Variants in TMEM132B observed in about 807,000 individuals in gnomAD.
TMEM132B encodes the protein transmembrane protein 132B.
In TMEM132B, 18 loss-of-function variants were observed where a neutral mutation model predicts 90.8. The observed-to-expected ratio is 0.20, with a 90% CI of 0.14 to 0.29. TMEM132B has a LOEUF of 0.29. Among genes scored for constraint, TMEM132B ranks in the 10% least tolerant of loss-of-function variants. TMEM132B has a pLI of 1.00. For synonymous variants in TMEM132B, 504 were observed against 523.3 expected (o/e 0.96, Z 0.50); for missense variants, 1,096 against 1,326.8 (o/e 0.83, Z 2.70).
intron 5 of TMEM132B, among the ~76,000 whole-genome samples, chr12:125,606,353 GA>G (rs1466341220): frequency 6.8e-6 from 1 of 147,144 alleles, no homozygotes; most frequent in African/African-American, 2.5e-5. Context: ...AGGGAAAGAT[GA>G]TGTGTGCATA....
chr12:125,192,955 G>T (rs1313890185), intron 1 of TMEM132B, among the ~76,000 whole-genome samples: 1 of 152,180 alleles, frequency 6.6e-6, no homozygotes, highest in African/African-American at 2.4e-5. Flanking sequence ...TACAAGGCTG[G>T]GTGGTTCAGC....
At chr12:125,299,766 C>T (rs1875770949) in intron 1 of TMEM132B, among the ~76,000 whole-genome samples, 1 of 152,204 alleles carries the variant, frequency 6.6e-6, no homozygotes, top group African/African-American at 2.4e-5. Flanking sequence ...CCAAAGGATG[C>T]CCAGAATCTG....
In TMEM132B at chr12:125,190,936, G is replaced by A. The variant is rs1177083085; in HGVS notation, c.67+4070G>A. On this transcript the variant is annotated intron_variant, in intron 1 of 8. Coordinates refer to ENST00000682704, the MANE Select transcript of TMEM132B (RefSeq NM_001366854.1). ...ATGGGGAAGGGGTGGTGATGGTGAC[G>A]GGGAAGGGGTGGTGATGGGGAAGGG... Among the ~76,000 whole-genome samples the A allele has an allele frequency of 3.2e-3, 117 of 36,852 alleles. 19 individuals are homozygous for A. The highest frequency in any genetic ancestry group is 0.012 in the Middle Eastern group (1 of 86). The allele number at this position is 36,852 out of a possible 152,430, so 24.2% of individuals were successfully genotyped here.
intron 2 of TMEM132B, among the ~76,000 whole-genome samples, chr12:125,359,547 C>T (rs1263230257): frequency 1.3e-5 from 2 of 152,136 alleles, no homozygotes; most frequent in Non-Finnish European, 2.9e-5. Flanking sequence ...GCTCAGTGCT[C>T]ATTCCTTATG....
intron 3 of TMEM132B, among the ~76,000 whole-genome samples, chr12:125,493,374 A>G (rs1882407844): frequency 6.6e-6 from 1 of 152,180 alleles, no homozygotes; most frequent in Non-Finnish European, 1.5e-5. Flanking sequence ...AGAAACACAC[A>G]TGAAAGGGGA....
intron 5 of TMEM132B, among the ~76,000 whole-genome samples, chr12:125,589,322 A>C (rs1204026416): frequency 2.0e-5 from 3 of 151,930 alleles, no homozygotes; most frequent in Non-Finnish European, 2.9e-5. Flanking sequence ...CTCTACTAAA[A>C]ATACAAAAAA....
At chr12:125,223,670 C>A (rs889889850) in intron 1 of TMEM132B, among the ~76,000 whole-genome samples, 4 of 152,310 alleles carry the variant, frequency 2.6e-5, no homozygotes, top group South Asian at 4.1e-4. Flanking sequence ...GTCCCGCTAC[C>A]CCCAGCCCTC....
chr12:125,519,108 T>G (rs552298291), intron 3 of TMEM132B, among the ~76,000 whole-genome samples: 1 of 152,322 alleles, frequency 6.6e-6, no homozygotes, highest in South Asian at 2.1e-4. Context: ...AGTGTGGAAC[T>G]TGGACTGTGG....
chr12:125,504,493 T>C (rs1211166026), intron 3 of TMEM132B, among the ~76,000 whole-genome samples: 3 of 152,266 alleles, frequency 2.0e-5, no homozygotes, highest in Admixed American at 2.0e-4. Context: ...AGAACGCTGG[T>C]TGTCATTTGT....
intron 4 of TMEM132B, among the ~76,000 whole-genome samples, chr12:125,573,262 G>A (rs1298899411): frequency 1.3e-5 from 2 of 152,086 alleles, no homozygotes; most frequent in Non-Finnish European, 2.9e-5. Context: ...TTATACATAG[G>A]TAGACACATG....
intron 4 of TMEM132B, among the ~76,000 whole-genome samples, chr12:125,532,851 A>G (rs993911856): frequency 4.6e-5 from 7 of 152,048 alleles, no homozygotes; most frequent in Non-Finnish European, 1.0e-4. Context: ...ATTTTCTTTT[A>G]AAAAAACAAG....
chr12:125,451,715 G>A (rs781031173), intron 3 of TMEM132B, among the ~76,000 whole-genome samples: 1 of 151,612 alleles, frequency 6.6e-6, no homozygotes, highest in Non-Finnish European at 1.5e-5. Context: ...GTCAGACATC[G>A]TGTTTTCAGA....
Position 125,490,688 on chromosome 12 carries a change from G to T in TMEM132B, c.1107-28751G>T, listed in dbSNP as rs756524348. On this transcript the variant is annotated intron_variant, in intron 3 of 8. Transcript: ENST00000682704. This position sits in a 1 kb window ranked among gnomAD's most constrained non-coding sequence, Gnocchi z 4.2. ...TCACTGTGTTAGCTAGGATGGTCTCGATCTCCTGACCTCGTGATCCGCCCG... is the reference window on the plus strand; with the variant it reads ...TCACTGTGTTAGCTAGGATGGTCTCTATCTCCTGACCTCGTGATCCGCCCG... Among the ~76,000 whole-genome samples the T allele has an allele frequency of 2.6e-5, 4 of 152,012 alleles. No individual in the cohort carries two copies. Among genetic ancestry groups the T allele is most frequent in the African/African-American group, 9.7e-5 (4 of 41,378 alleles).
chr12:125,432,580 G>T (rs1880573726), intron 3 of TMEM132B, among the ~76,000 whole-genome samples: 3 of 146,250 alleles, frequency 2.1e-5, no homozygotes, highest in African/African-American at 2.5e-5. Flanking sequence ...GAGAGTGTTA[G>T]AATGTGGCCT....
intron 1 of TMEM132B, among the ~76,000 whole-genome samples, chr12:125,302,872 G>A (rs772999192): frequency 5.9e-5 from 9 of 152,086 alleles, no homozygotes; most frequent in East Asian, 1.9e-4. Flanking sequence ...CGAGGTGGGC[G>A]GATCACTTGA....
rs777784260 is a variant in TMEM132B, at chr12:125,652,726, G to A, written c.2106+94G>A. On this transcript the variant is annotated intron_variant, in intron 8 of 8. Transcript: ENST00000682704. ...CGAAGGAGAGCAGGAGAGCCCTCACGCCTAGGACTGGGGATTCTTGAAGCT... is the reference window on the plus strand; with the variant it reads ...CGAAGGAGAGCAGGAGAGCCCTCACACCTAGGACTGGGGATTCTTGAAGCT... 3.4e-5 allele frequency: 48 copies of A among 1,394,326 alleles called. 1 individual carries two copies. The highest frequency in any genetic ancestry group is 3.0e-4 in the South Asian group (20 of 67,256). The allele number at this position is 1,394,326 out of a possible 1,614,324, so 86.4% of individuals were successfully genotyped here.
At chr12:125,325,463 A>G (rs186264254) in intron 1 of TMEM132B, among the ~76,000 whole-genome samples, 22 of 152,306 alleles carry the variant, frequency 1.4e-4, no homozygotes, top group Non-Finnish European at 2.1e-4. Flanking sequence ...TTAGCAATTA[A>G]TCTGTTTGTC....
chr12:125,652,374 C>G, intron 7 of TMEM132B, 67 bp from the exon 8 acceptor site: 1 of 1,442,084 alleles, frequency 6.9e-7, no homozygotes, highest in Middle Eastern at 2.4e-4. Context: ...TGTTGGGAGC[C>G]CCAGTTAAGG....
intron 2 of TMEM132B, among the ~76,000 whole-genome samples, chr12:125,359,083 G>A (rs1239781461): frequency 6.6e-6 from 1 of 152,140 alleles, no homozygotes; most frequent in Admixed American, 6.5e-5. Context: ...CAGCTCTCCG[G>A]AAGGATGCTT....
Sources: allele counts gnomAD v4.1 joint callset (sites outside exome capture counted in the v4.1 genomes callset), GRCh38; gene constraint gnomAD v4.1.1; non-coding constraint Gnocchi (gnomAD v3.1); transcripts MANE v1.5; gene names NCBI Gene and HGNC (gene_info 2026-07-23, HGNC 2026-07-21).